Variants in ZNF592 observed in about 807,000 individuals in gnomAD.
ZNF592 encodes the protein zinc finger protein 592.
Under a neutral mutation model 80.3 loss-of-function variants are expected in ZNF592, and 11 were observed. The ratio of observed to expected loss-of-function variants is 0.14; its 90% CI spans 0.09 to 0.23. The LOEUF is 0.23. Among genes scored for constraint, ZNF592 ranks in the 10% least tolerant of loss-of-function variants. The pLI, the probability that ZNF592 is intolerant of heterozygous loss-of-function variation, is 1.00. For synonymous variants in ZNF592, 646 were observed against 640.3 expected (o/e 1.01, Z -0.13); for missense variants, 1,420 against 1,633.9 (o/e 0.87, Z 2.26).
chr15:84,799,262 C>A lies in ZNF592; in HGVS notation c.3137+52C>A. ...AGGCCTGAGGTTCAAAAGACTCTGT[C>A]CGTGGCACCACTGGGGCTTTTCTGT... is the stretch of plus-strand genomic sequence containing the variant. On this transcript the variant is annotated intron_variant, in intron 9 of 10. Coordinates refer to ENST00000560079, the MANE Select transcript of ZNF592 (RefSeq NM_014630.3). The surrounding 1 kb of genome is among the most constrained non-coding windows in gnomAD (Gnocchi z 4.2). 2 of 1,545,288 alleles carry A rather than the reference C, an allele frequency of 1.3e-6. No homozygotes were observed. The highest frequency in any genetic ancestry group is 1.8e-6 in the Non-Finnish European group (2 of 1,117,420).
chr15:84,792,010 A>C (rs576371386), intron 5 of ZNF592, among the ~76,000 whole-genome samples: 26 of 152,226 alleles, frequency 1.7e-4, no homozygotes, highest in African/African-American at 5.8e-4. Flanking sequence ...TATTTGCAGC[A>C]GGGGAGTGAT....
At chr15:84,759,657 A>G (rs1213619608) in intron 1 of ZNF592, among the ~76,000 whole-genome samples, 1 of 152,218 alleles carries the variant, frequency 6.6e-6, no homozygotes, top group Admixed American at 6.5e-5. Context: ...TTTAATTACC[A>G]GGAATTAATT....
In ZNF592 at chr15:84,764,729, T is replaced by G. The variant is rs764650510; in HGVS notation, c.-236T>G. The G allele has an allele frequency of 2.5e-6, 1 of 399,036 alleles. No individual in the cohort carries two copies. The highest frequency in any genetic ancestry group is 3.6e-5 in the East Asian group (1 of 28,082). The allele number at this position is 399,036 out of a possible 1,614,324, so 24.7% of individuals were successfully genotyped here. On this transcript the variant is annotated 5_prime_UTR_variant, in exon 2 of 11. The change abolishes an upstream ATG in the 5' untranslated region. Transcript: ENST00000560079. ...TAGGTGGTGTTTGGACTCTAGACCA[T>G]GTGCCTAGGTAGAAGTTTTTCCTTT...
Position 84,782,806 on chromosome 15 carries a change from C to G in ZNF592, c.131C>G (p.Pro44Arg). ...GAGAATGAGAGTCCCCTCAAACCTC[C>G]AGGCATATGTATGGATGAAAGTGTG... ...SEENESPLKPPGICMDESVSL... is the reference protein window; with the variant it reads ...SEENESPLKPRGICMDESVSL... Residue 44 changes from proline to arginine, a missense_variant, in exon 4 of 11, where the codon CCA (proline) becomes CGA (arginine). Physicochemically the swap from Pro to Arg is moderately radical, Grantham distance 103 (BLOSUM62 -2). Transcript: ENST00000560079. 1.2e-6 allele frequency: 2 copies of G among 1,614,130 alleles called. No individual in the cohort carries two copies. The highest frequency in any genetic ancestry group is 1.7e-6 in the Non-Finnish European group (2 of 1,180,030).
chr15:84,798,004 C>T lies in ZNF592; in HGVS notation c.2535C>T (p.His845=). The part of the protein sequence containing the change: ...AFKTASSTAD[H]SATQHPTQPH... ...AGACTGCCAGCAGCACTGCAGACCA[C>T]AGTGCCACCCAGCACCCCACCCAGC... Residue 845 remains histidine, a synonymous_variant, in exon 6 of 11, where the codon CAC becomes CAT. Transcript: ENST00000560079. This position sits in a 1 kb window ranked among gnomAD's most constrained non-coding sequence, Gnocchi z 4.5. The T allele has an allele frequency of 6.2e-7, 1 of 1,614,116 alleles. No homozygotes were observed.
rs538681190 is a variant in ZNF592 at position 84,764,012 on chromosome 15, T to A, written c.-258-695T>A. Among the ~76,000 whole-genome samples, 16 of 152,354 alleles carry A rather than the reference T, an allele frequency of 1.1e-4. No homozygotes were observed. The East Asian group carries it at 2.1e-3, about 20-fold the overall frequency. On this transcript the variant is annotated intron_variant, in intron 1 of 10. Coordinates refer to ENST00000560079, the MANE Select transcript of ZNF592 (RefSeq NM_014630.3). ...AAGAGTTCTGCCGACTTTCCTCTTT[T>A]TGACCCTCATTCTCATCACCTGCTC...
intron 2 of ZNF592, among the ~76,000 whole-genome samples, chr15:84,774,313 C>T (rs748003763): frequency 4.6e-5 from 7 of 152,212 alleles, no homozygotes; most frequent in Non-Finnish European, 7.3e-5. Context: ...TAAGCCTCTT[C>T]CTTCATGAAA....
chr15:84,796,046 A>T (rs952285798), intron 5 of ZNF592, among the ~76,000 whole-genome samples: 121 of 151,238 alleles, frequency 8.0e-4, no homozygotes, highest in African/African-American at 2.8e-3. Context: ...ACATGGTGAA[A>T]CCCCGTCTCT....
intron 1 of ZNF592, among the ~76,000 whole-genome samples, chr15:84,758,214 C>T (rs1226187785): frequency 6.6e-6 from 1 of 151,344 alleles, no homozygotes; most frequent in African/African-American, 2.4e-5. Context: ...ACCTTGTGAT[C>T]CACCCGCCTC....
rs114458560 is a variant in ZNF592, at chr15:84,785,719, A to G, written c.2220+824A>G. Among the ~76,000 whole-genome samples the G allele has an allele frequency of 7.2e-4, 110 of 152,314 alleles. 1 individual carries two copies. Among genetic ancestry groups the G allele is most frequent in the African/African-American group, 2.6e-3 (108 of 41,566 alleles). On this transcript the variant is annotated intron_variant, in intron 4 of 10. Coordinates refer to ENST00000560079, the MANE Select transcript of ZNF592 (RefSeq NM_014630.3). ...GTAGGGCCAATGGCAGGGCTGGGATAGGAGGAAGGAGAGTGGACAGACATG... is the reference window on the plus strand; with the variant it reads ...GTAGGGCCAATGGCAGGGCTGGGATGGGAGGAAGGAGAGTGGACAGACATG...
At position 84,802,412 on chromosome 15, in the gene ZNF592, G is replaced by T. The variant is rs774004631; in HGVS notation, c.*19G>T. ...GGTGTGACCGGAGACTTTGCAGTGT[G>T]CATGGTCAGGGGTGGTGCCGAAGTG... On this transcript the variant is annotated 3_prime_UTR_variant, in exon 11 of 11. Coordinates refer to ENST00000560079, the MANE Select transcript of ZNF592 (RefSeq NM_014630.3). The T allele has an allele frequency of 6.2e-7, 1 of 1,612,834 alleles. No homozygotes were observed. Among genetic ancestry groups the T allele is most frequent in the Non-Finnish European group, 8.5e-7 (1 of 1,179,842 alleles).
chr15:84,760,131 A>G (rs1596107394), intron 1 of ZNF592, among the ~76,000 whole-genome samples: 1 of 149,130 alleles, frequency 6.7e-6, no homozygotes. Flanking sequence ...TAAGTGGTTA[A>G]AAAAAAAAAG....
intron 3 of ZNF592, 140 bp from the exon 4 acceptor site, chr15:84,782,517 G>A: frequency 1.2e-6 from 1 of 823,534 alleles, no homozygotes. Flanking sequence ...GTAAAACTGA[G>A]GTGTGTGGCT....
chr15:84,753,291 C>A (rs1022302352), intron 1 of ZNF592: 1 of 152,014 alleles, frequency 6.6e-6, no homozygotes, highest in South Asian at 2.1e-4. Flanking sequence ...GCAGATGCGT[C>A]GGAAGTTGTT....
chr15:84,773,424 G>C (rs1230033093), intron 2 of ZNF592, among the ~76,000 whole-genome samples: 2 of 152,052 alleles, frequency 1.3e-5, no homozygotes, highest in African/African-American at 4.8e-5. Context: ...TTTTAGCCAG[G>C]ATGGTCTCGA....
intron 2 of ZNF592, among the ~76,000 whole-genome samples, chr15:84,772,085 C>T (rs747336691): frequency 6.6e-6 from 1 of 152,158 alleles, no homozygotes; most frequent in Non-Finnish European, 1.5e-5. Flanking sequence ...AAAGCCAATT[C>T]CATGTGGTCA....
chr15:84,803,296 A>AT lies in ZNF592; in HGVS notation c.*904dup, dbSNP rs1488290363. The AT allele has an allele frequency of 1.3e-5, 2 of 152,596 alleles. No homozygotes were observed. The highest frequency in any genetic ancestry group is 2.9e-5 in the Non-Finnish European group (2 of 68,046). The allele number at this position is 152,596 out of a possible 1,614,324, so 9.5% of individuals were successfully genotyped here. A position where few individuals can be genotyped will look rare whatever the true frequency, so the allele number is the denominator to read the frequency against. ...ATTTCAAATAAAAAATCTTCTCACCATGCAGGTAGGCTCTTGTATTCCTCT... is the reference window on the plus strand; with the variant it reads ...ATTTCAAATAAAAAATCTTCTCACCATTGCAGGTAGGCTCTTGTATTCCTCT... On this transcript the variant is annotated 3_prime_UTR_variant, in exon 11 of 11. Coordinates refer to ENST00000560079, the MANE Select transcript of ZNF592 (RefSeq NM_014630.3).
chr15:84,769,835 G>T (rs906559815), intron 2 of ZNF592, among the ~76,000 whole-genome samples: 3 of 152,176 alleles, frequency 2.0e-5, no homozygotes, highest in African/African-American at 7.2e-5. Flanking sequence ...CTATCCTCAG[G>T]TGCATTCCTG....
chr15:84,800,124 C>T (rs964058128), intron 10 of ZNF592, 147 bp downstream of exon 10: 30 of 1,258,404 alleles, frequency 2.4e-5, no homozygotes, highest in Middle Eastern at 4.6e-4. Context: ...CTGTGTGACC[C>T]GCCTGGCACT....
Sources: allele counts gnomAD v4.1 joint callset (sites outside exome capture counted in the v4.1 genomes callset), GRCh38; gene constraint gnomAD v4.1.1; non-coding constraint Gnocchi (gnomAD v3.1); transcripts MANE v1.5; gene names NCBI Gene and HGNC (gene_info 2026-07-23, HGNC 2026-07-21).